Variants in CRACR2A observed in about 807,000 individuals in gnomAD.
The protein encoded by CRACR2A is calcium release activated channel regulator 2A, also known as EF-hand calcium-binding domain-containing protein 4B.
Under a neutral mutation model 90.5 loss-of-function variants are expected in CRACR2A, and 79 were observed. The ratio of observed to expected loss-of-function variants is 0.87; its 90% CI spans 0.73 to 1.05. CRACR2A has a LOEUF of 1.05. Among genes scored for constraint, CRACR2A ranks in the 50% least tolerant of loss-of-function variants. The pLI is 0.00. For missense variants in CRACR2A, 823 were observed against 897.2 expected, an observed-to-expected ratio of 0.92 and a Z score of 1.06; for synonymous variants, 338 against 356.7, an observed-to-expected ratio of 0.95 and a Z score of 0.59.
chr12:3,686,830 T>C (rs1487787011), intron 4 of CRACR2A, among the ~76,000 whole-genome samples: 1 of 152,158 alleles, frequency 6.6e-6, no homozygotes, highest in Non-Finnish European at 1.5e-5. Context: ...TCTCTAAACT[T>C]GGTTCATGCA....
chr12:3,747,475 G>A (rs1434114824), intron 1 of CRACR2A, among the ~76,000 whole-genome samples: 1 of 152,168 alleles, frequency 6.6e-6, no homozygotes, highest in African/African-American at 2.4e-5. Context: ...ATCCCAGTGG[G>A]TGAAGGTATG....
At chr12:3,618,393 G>A (rs1867737829) in intron 18 of CRACR2A, among the ~76,000 whole-genome samples, 1 of 152,134 alleles carries the variant, frequency 6.6e-6, no homozygotes. Context: ...ACCATGAATA[G>A]CCTCGTGTCA....
intron 6 of CRACR2A, 104 bp downstream of exon 6, chr12:3,678,811 A>T: frequency 1.6e-6 from 2 of 1,277,706 alleles, no homozygotes; most frequent in South Asian, 1.6e-5. Flanking sequence ...ATTCCAGTGC[A>T]GGGACCAGCA....
chr12:3,640,443 T>G, intron 13 of CRACR2A: 1 of 1,079,508 alleles, frequency 9.3e-7, no homozygotes, highest in Non-Finnish European at 1.2e-6. Flanking sequence ...CATGTCTAAT[T>G]TATTTTTGGA....
chr12:3,715,177 C>CT (rs1158911115), intron 2 of CRACR2A, among the ~76,000 whole-genome samples: 8 of 152,208 alleles, frequency 5.3e-5, no homozygotes, highest in African/African-American at 1.9e-4. Context: ...ATAGGTCTCC[C>CT]AGTGGGTTGG....
intron 15 of CRACR2A, among the ~76,000 whole-genome samples, chr12:3,630,448 G>C (rs1944358898): frequency 6.6e-6 from 1 of 152,210 alleles, no homozygotes. Context: ...TCTCTGTACA[G>C]ATGTGCAGTG....
chr12:3,714,930 A>C (rs553087383), intron 2 of CRACR2A, among the ~76,000 whole-genome samples: 26 of 152,330 alleles, frequency 1.7e-4, no homozygotes, highest in African/African-American at 6.0e-4. Flanking sequence ...CAGGTCCCTG[A>C]CTTCTAGGCC....
Position 3,633,043 on chromosome 12 carries a change from G to A in CRACR2A, c.1735+561C>T, listed in dbSNP as rs1333434329. Among the ~76,000 whole-genome samples, 3 of 152,218 alleles carry A rather than the reference G, an allele frequency of 2.0e-5. No homozygotes were observed. The highest frequency in any genetic ancestry group is 4.8e-5 in the African/African-American group (2 of 41,454). ...ATTAAGCCATGATCATCCATTAATA[G>A]CTGAGCCTAATGAGCTTCCACATTT... On this transcript the variant is annotated intron_variant, in intron 15 of 19. Transcript: ENST00000440314. This position sits in a 1 kb window ranked among gnomAD's most constrained non-coding sequence, Gnocchi z 4.5.
chr12:3,734,629 A>ATGTGTGTATG (rs1946418985), intron 1 of CRACR2A, among the ~76,000 whole-genome samples: 1 of 149,502 alleles, frequency 6.7e-6, no homozygotes, highest in South Asian at 2.1e-4. Context: ...AGGTGTGTGT[A>ATGTGTGTATG]TGTGTGTGTG....
intron 7 of CRACR2A, chr12:3,672,808 C>A: frequency 1.0e-6 from 1 of 985,390 alleles, no homozygotes. Context: ...TTGTTTCTAA[C>A]AATGCTTGGT....
intron 3 of CRACR2A, among the ~76,000 whole-genome samples, chr12:3,699,217 T>C (rs1444780518): frequency 1.3e-5 from 2 of 152,196 alleles, no homozygotes; most frequent in Non-Finnish European, 2.9e-5. Context: ...CTCTTAACAG[T>C]GTACTCATCC....
chr12:3,618,443 A>G (rs997347413), intron 18 of CRACR2A, among the ~76,000 whole-genome samples: 2 of 152,032 alleles, frequency 1.3e-5, no homozygotes, highest in African/African-American at 4.8e-5. Context: ...ATACAAAACA[A>G]CCCTTTCTGT....
chr12:3,750,719 G>T (rs555524711), intron 1 of CRACR2A, among the ~76,000 whole-genome samples: 2 of 152,246 alleles, frequency 1.3e-5, no homozygotes, highest in South Asian at 4.1e-4. Flanking sequence ...TGTCCCTGAG[G>T]AATCCCTCAC....
Position 3,648,596 on chromosome 12 carries a change from G to C in CRACR2A, c.1064C>G (p.Thr355Arg). The C allele has an allele frequency of 6.2e-7, 1 of 1,613,992 alleles. No homozygotes were observed. The highest frequency in any genetic ancestry group is 8.5e-7 in the Non-Finnish European group (1 of 1,179,956). Residue 355 changes from threonine to arginine, a missense_variant, in exon 11 of 20, where the codon ACG becomes AGG. Thr to Arg is a moderately conservative substitution (Grantham distance 71). Transcript: ENST00000440314. ...QEKEMEVYRV[T>R]ESLQREKAGL... ...GGCCTTCTCACGCTGTAGACTCTCCGTCACACGGTACACTTCCCTGAGGAG... is the reference window on the plus strand; with the variant it reads ...GGCCTTCTCACGCTGTAGACTCTCCCTCACACGGTACACTTCCCTGAGGAG...
At chr12:3,617,860 C>T (rs541019166) in intron 18 of CRACR2A, among the ~76,000 whole-genome samples, 1 of 152,014 alleles carries the variant, frequency 6.6e-6, no homozygotes, top group African/African-American at 2.4e-5. Context: ...GAGGCTCTGC[C>T]ATGCTCCCAG....
At position 3,621,952 on chromosome 12, in the gene CRACR2A, C is replaced by A. The variant is rs572108821; in HGVS notation, c.1933-2580G>T. On this transcript the variant is annotated intron_variant, in intron 17 of 19. Transcript: ENST00000440314. ...TAACTATCACAGTCAGTCACCATCA[C>A]CCTGGCCCAAGGTCATCAGTCTCTG... Among the ~76,000 whole-genome samples the A allele has an allele frequency of 9.2e-5, 14 of 152,240 alleles. No individual in the cohort carries two copies. In the South Asian group the frequency reaches 2.9e-3, roughly 32 times the overall value.
intron 14 of CRACR2A, among the ~76,000 whole-genome samples, chr12:3,635,230 C>A (rs542625388): frequency 5.9e-4 from 90 of 152,276 alleles, no homozygotes; most frequent in South Asian, 1.9e-3. Flanking sequence ...TATGTTCATG[C>A]ACTTAACCCA....
At chr12:3,621,587 C>G (rs1248978427) in intron 17 of CRACR2A, among the ~76,000 whole-genome samples, 2 of 123,620 alleles carry the variant, frequency 1.6e-5, no homozygotes, top group Non-Finnish European at 3.2e-5. Flanking sequence ...GGAGGCGGAG[C>G]TTGCAGTGAG....
At position 3,695,724 on chromosome 12, in the gene CRACR2A, G is replaced by A. The variant is rs242005; in HGVS notation, c.228+1048C>T. On this transcript the variant is annotated intron_variant, in intron 4 of 19. Transcript: ENST00000440314. ...GTGCTTCCTCCAACAGCACAGGGATGCGTCCCTTCAAAAACTACTCTGATG... is the reference window on the plus strand; with the variant it reads ...GTGCTTCCTCCAACAGCACAGGGATACGTCCCTTCAAAAACTACTCTGATG... Among the ~76,000 whole-genome samples the A allele has an allele frequency of 3.4e-3, 512 of 152,344 alleles. 2 individuals are homozygous for A. The highest frequency in any genetic ancestry group is 0.011 in the African/African-American group (470 of 41,588).
Sources: allele counts gnomAD v4.1 joint callset (sites outside exome capture counted in the v4.1 genomes callset), GRCh38; gene constraint gnomAD v4.1.1; non-coding constraint Gnocchi (gnomAD v3.1); transcripts MANE v1.5; gene names NCBI Gene and HGNC (gene_info 2026-07-23, HGNC 2026-07-21).